The following KAZN variants were observed in gnomAD, a reference collection of about 807,000 sequenced individuals.
The protein encoded by KAZN is kazrin, periplakin interacting protein.
Under a neutral mutation model 87.4 loss-of-function variants are expected in KAZN, and 40 were observed. The observed-to-expected ratio is 0.46, with a 90% confidence interval of 0.36 to 0.60. The LOEUF (loss-of-function observed/expected upper bound fraction) is 0.60, where lower values mean the gene tolerates loss of function less well. Ranked by LOEUF, KAZN falls within the 20% of genes least tolerant of loss-of-function variation. KAZN has a pLI of 0.00. For synonymous variants in KAZN, 466 were observed against 458.3 expected (o/e 1.02, Z -0.22); for missense variants, 898 against 1,073.9 (o/e 0.84, Z 2.29).
At chr1:14,392,609 T>G (rs1223931113) in intron 2 of KAZN, among the ~76,000 whole-genome samples, 1 of 152,156 alleles carries the variant, frequency 6.6e-6, no homozygotes, top group Non-Finnish European at 1.5e-5. Context: ...TCATTCTTTG[T>G]TGTGGGAGTG....
chr1:14,240,912 C>T (rs1397818295), intron 2 of KAZN, among the ~76,000 whole-genome samples: 1 of 152,168 alleles, frequency 6.6e-6, no homozygotes, highest in Non-Finnish European at 1.5e-5. Context: ...GTTTAAATAC[C>T]CACCCCACCG....
Position 14,470,749 on chromosome 1 carries a change from C to G in KAZN, c.250-128234C>G, listed in dbSNP as rs955552945. ...GTTCCTTTGTGTGCTCCTCCATGGC[C>G]TGCACCATATTCTGCTCTGTAGCCA... On this transcript the variant is annotated intron_variant, in intron 2 of 16. Coordinates refer to the KAZN transcript ENST00000636203. Among the ~76,000 whole-genome samples the G allele has an allele frequency of 4.6e-5, 7 of 152,294 alleles. No individual in the cohort carries two copies. In the East Asian group the frequency reaches 1.3e-3, roughly 29 times the overall value.
chr1:14,099,370 A>G (rs1187469358), intron 1 of KAZN, among the ~76,000 whole-genome samples: 1 of 151,960 alleles, frequency 6.6e-6, no homozygotes, highest in Non-Finnish European at 1.5e-5. Flanking sequence ...TTCCTTCCTC[A>G]TTCCCCTGGT....
intron 1 of KAZN, among the ~76,000 whole-genome samples, chr1:14,814,145 C>T (rs1046626802): frequency 3.3e-5 from 5 of 152,314 alleles, no homozygotes; most frequent in African/African-American, 1.2e-4. Flanking sequence ...AGGGAAGTTT[C>T]CTTGGATGTG....
intron 1 of KAZN, among the ~76,000 whole-genome samples, chr1:14,146,402 G>C (rs913225231): frequency 8.6e-5 from 13 of 151,636 alleles, no homozygotes; most frequent in African/African-American, 2.9e-4. Flanking sequence ...TGGGCATGGT[G>C]GTGGGCACCT....
At chr1:14,967,553 G>A (rs961929296) in intron 2 of KAZN, among the ~76,000 whole-genome samples, 6 of 152,194 alleles carry the variant, frequency 3.9e-5, no homozygotes, top group East Asian at 1.9e-4. Context: ...CTTGCCAATC[G>A]GATATCCCTG....
At chr1:14,801,359 A>G (rs1646014077) in intron 1 of KAZN, among the ~76,000 whole-genome samples, 1 of 152,140 alleles carries the variant, frequency 6.6e-6, no homozygotes, top group African/African-American at 2.4e-5. Context: ...CGGTTTCGTG[A>G]CGAGGGGTGG....
intron 8 of KAZN, among the ~76,000 whole-genome samples, chr1:15,075,673 T>A (rs1639706951): frequency 6.6e-6 from 1 of 152,068 alleles, no homozygotes; most frequent in Non-Finnish European, 1.5e-5. Context: ...CCAGGTCAGG[T>A]GTAGTCACAG....
intron 2 of KAZN, among the ~76,000 whole-genome samples, chr1:14,418,560 T>C (rs1174912496): frequency 6.6e-6 from 1 of 152,196 alleles, no homozygotes; most frequent in African/African-American, 2.4e-5. Flanking sequence ...CCAGTCAGAA[T>C]TTATCACCAT....
intron 2 of KAZN, among the ~76,000 whole-genome samples, chr1:14,417,132 C>CAGTG (rs1452583741): frequency 6.7e-6 from 1 of 150,264 alleles, no homozygotes; most frequent in African/African-American, 2.5e-5. Flanking sequence ...GGAGAGGTTG[C>CAGTG]AGTGACCCAA....
intron 1 of KAZN, among the ~76,000 whole-genome samples, chr1:14,934,546 C>G (rs534448381): frequency 2.0e-5 from 3 of 152,358 alleles, no homozygotes; most frequent in Non-Finnish European, 4.4e-5. Flanking sequence ...AGCCCCAGGA[C>G]CACTCCTTGC....
At chr1:14,910,907 A>G (rs1351255041) in intron 1 of KAZN, among the ~76,000 whole-genome samples, 1 of 152,226 alleles carries the variant, frequency 6.6e-6, no homozygotes, top group Non-Finnish European at 1.5e-5. Context: ...CACTGTGGGA[A>G]AAACAAAATA....
chr1:14,277,594 C>T (rs1286632345), intron 2 of KAZN, among the ~76,000 whole-genome samples: 1 of 149,098 alleles, frequency 6.7e-6, no homozygotes, highest in Non-Finnish European at 1.5e-5. Flanking sequence ...ACCCAGGAGG[C>T]GGAGGTTGCA....
intron 13 of KAZN, among the ~76,000 whole-genome samples, chr1:15,110,512 TGTTTGTG>T (rs746824788): frequency 0.23 from 33,254 of 143,638 alleles, 3,744 homozygotes; most frequent in South Asian, 0.34. Context: ...TGTATTTGTG[TGTTTGTG>T]TGTATGTGTT....
intron 1 of KAZN, among the ~76,000 whole-genome samples, chr1:14,772,975 C>G (rs1439369118): frequency 6.6e-6 from 1 of 152,082 alleles, no homozygotes; most frequent in African/African-American, 2.4e-5. Context: ...GTTGAGTCAT[C>G]TCTCTTCCAT....
chr1:14,685,594 C>T (rs766676492), intron 1 of KAZN, among the ~76,000 whole-genome samples: 3 of 152,210 alleles, frequency 2.0e-5, no homozygotes, highest in South Asian at 2.1e-4. Flanking sequence ...GCAGTCAAAT[C>T]GTTCGCCTGC....
At chr1:14,379,738 C>T (rs1347888904) in intron 2 of KAZN, among the ~76,000 whole-genome samples, 2 of 152,158 alleles carry the variant, frequency 1.3e-5, no homozygotes, top group Non-Finnish European at 2.9e-5. Flanking sequence ...AATAGAACAC[C>T]AGGTAGATTT....
At chr1:14,317,410 T>A (rs1296874178) in intron 2 of KAZN, among the ~76,000 whole-genome samples, 1 of 151,968 alleles carries the variant, frequency 6.6e-6, no homozygotes, top group African/African-American at 2.4e-5. Context: ...TCTATTTGTG[T>A]TTTCATATCT....
intron 1 of KAZN, among the ~76,000 whole-genome samples, chr1:14,911,009 C>T: frequency 6.6e-6 from 1 of 152,216 alleles, no homozygotes; most frequent in East Asian, 1.9e-4. Flanking sequence ...GCAGCTCACA[C>T]CACTCCTGAG....
Sources: allele counts gnomAD v4.1 joint callset (sites outside exome capture counted in the v4.1 genomes callset), GRCh38; gene constraint gnomAD v4.1.1; transcripts MANE v1.5; gene names NCBI Gene and HGNC (gene_info 2026-07-23, HGNC 2026-07-21).